PCBP3: variants seen among roughly 807,000 people sequenced by gnomAD.
The protein encoded by PCBP3 is poly(rC)-binding protein 3.
PCBP3 carries 25 observed loss-of-function variants against 52.7 expected under a neutral mutation model. The ratio of observed to expected loss-of-function variants is 0.47; its 90% CI spans 0.35 to 0.66. The LOEUF (loss-of-function observed/expected upper bound fraction) is 0.66. PCBP3 is among the 30% of genes least tolerant of loss of function. The pLI is 0.01. For synonymous variants in PCBP3, 162 were observed against 183.0 expected, an observed-to-expected ratio of 0.89 and a Z score of 0.93; for missense variants, 391 against 490.3, an observed-to-expected ratio of 0.80 and a Z score of 1.91.
chr21:45,893,636 C>A, intron 5 of PCBP3: 1 of 647,500 alleles, frequency 1.5e-6, no homozygotes, highest in Non-Finnish European at 1.9e-6. Context: ...GGGTGGGGAC[C>A]CAGGCCCTCA....
In PCBP3 at chr21:45,901,047, G is replaced by T; in HGVS notation, c.273G>T (p.Val91=). Residue 91 remains valine (V), a synonymous_variant, in exon 9 of 18, where the codon GTG becomes GTT. Transcript: ENST00000681687. ...AGGGAAACTGCCCAGAGAGGATTGT[G>T]ACCATCACAGGCCCCACAGACGCCA... The part of the protein sequence containing the change: ...ISEGNCPERI[V]TITGPTDAIF... 1.2e-6 allele frequency: 2 copies of T among 1,614,078 alleles called. No homozygotes were observed. Among genetic ancestry groups the T allele is most frequent in the South Asian group, 2.2e-5 (2 of 91,060 alleles).
chr21:45,937,537 G>A (rs2077006873), intron 16 of PCBP3, among the ~76,000 whole-genome samples: 1 of 152,242 alleles, frequency 6.6e-6, no homozygotes, highest in Admixed American at 6.5e-5. Context: ...GGCTGCAATG[G>A]GAGTTGTTAC....
chr21:45,684,162 A>G (rs1247207576), intron 2 of PCBP3, among the ~76,000 whole-genome samples: 1 of 152,092 alleles, frequency 6.6e-6, no homozygotes, highest in East Asian at 1.9e-4. Flanking sequence ...CAGAAGTTCA[A>G]GGCAGCCATG....
intron 4 of PCBP3, among the ~76,000 whole-genome samples, chr21:45,784,541 G>T (rs936016799): frequency 6.6e-6 from 1 of 152,034 alleles, no homozygotes; most frequent in Non-Finnish European, 1.5e-5. Context: ...CTGCCATCTC[G>T]GCTCACTGCA....
intron 1 of PCBP3, among the ~76,000 whole-genome samples, chr21:45,661,701 C>T (rs1055743351): frequency 4.6e-5 from 7 of 152,118 alleles, no homozygotes; most frequent in African/African-American, 1.7e-4. Context: ...AATGGTAGTT[C>T]TATTTCTATT....
At chr21:45,877,447 G>A (rs576211249) in intron 5 of PCBP3, among the ~76,000 whole-genome samples, 28 of 152,256 alleles carry the variant, frequency 1.8e-4, no homozygotes, top group African/African-American at 6.7e-4. Flanking sequence ...AAGAGTAACT[G>A]GCAAATTTAT....
At chr21:45,784,366 C>T (rs2090891385) in intron 4 of PCBP3, among the ~76,000 whole-genome samples, 1 of 148,138 alleles carries the variant, frequency 6.8e-6, no homozygotes, top group South Asian at 2.1e-4. Flanking sequence ...CTACCTCTAC[C>T]TCTACCTCTA....
Position 45,704,624 on chromosome 21 carries a change from T to C in PCBP3, c.-199-30768T>C, listed in dbSNP as rs527772054. On this transcript the variant is annotated intron_variant, in intron 2 of 17. Transcript: ENST00000681687. The surrounding 1 kb of genome is among the most constrained non-coding windows in gnomAD (Gnocchi z 4.1). Reference sequence around the variant, plus strand: ...TTGTCTAAGTGAAGGGCAATCGTATTTGAAGTAATTTGAAGATTGACAGGA... The same window carrying C: ...TTGTCTAAGTGAAGGGCAATCGTATCTGAAGTAATTTGAAGATTGACAGGA... Among the ~76,000 whole-genome samples, 294 of 152,140 alleles carry C rather than the reference T, an allele frequency of 1.9e-3. 1 individual carries two copies. The highest frequency in any genetic ancestry group is 2.7e-3 in the Non-Finnish European group (186 of 67,990).
chr21:45,837,086 T>C lies in PCBP3; in HGVS notation c.-125-12875T>C, dbSNP rs1359432352. On this transcript the variant is annotated intron_variant, in intron 4 of 17. Coordinates refer to ENST00000681687, the MANE Select transcript of PCBP3 (RefSeq NM_001384156.1). The surrounding 1 kb of genome is among the most constrained non-coding windows in gnomAD (Gnocchi z 4.1). ...ATCATAAAGTCTGTGAAAGGTGAAC[T>C]TTCAGGAACTTTCAGGACCATGTCA... Among the ~76,000 whole-genome samples the C allele has an allele frequency of 1.3e-5, 2 of 152,196 alleles. No individual in the cohort carries two copies. The highest frequency in any genetic ancestry group is 2.9e-5 in the Non-Finnish European group (2 of 68,036).
intron 4 of PCBP3, among the ~76,000 whole-genome samples, chr21:45,846,307 A>T (rs544829902): frequency 2.0e-5 from 3 of 152,262 alleles, no homozygotes; most frequent in South Asian, 2.1e-4. Flanking sequence ...CTTTGGTTAA[A>T]GTTCATTATT....
At chr21:45,681,831 C>G (rs2081869448) in intron 2 of PCBP3, among the ~76,000 whole-genome samples, 1 of 151,888 alleles carries the variant, frequency 6.6e-6, no homozygotes, top group Admixed American at 6.6e-5. Flanking sequence ...AAATAAAAAA[C>G]TCAATGGATG....
chr21:45,661,537 T>G (rs1488221399), intron 1 of PCBP3, among the ~76,000 whole-genome samples: 1 of 152,236 alleles, frequency 6.6e-6, no homozygotes, highest in Non-Finnish European at 1.5e-5. Context: ...ATACTACATT[T>G]TCTTTATCCA....
intron 7 of PCBP3, 62 bp from the exon 8 acceptor site, chr21:45,900,529 G>T: frequency 7.3e-7 from 1 of 1,364,388 alleles, no homozygotes; most frequent in South Asian, 1.2e-5. Context: ...ACCCACCATG[G>T]GCCGCGCCGT....
chr21:45,883,657 A>T (rs972106354), intron 5 of PCBP3, among the ~76,000 whole-genome samples: 7 of 151,952 alleles, frequency 4.6e-5, no homozygotes, highest in African/African-American at 1.7e-4. Context: ...GATCATTTTC[A>T]TTGCTCTGAC....
chr21:45,730,489 AAAG>A, intron 2 of PCBP3, among the ~76,000 whole-genome samples: 1 of 152,282 alleles, frequency 6.6e-6, no homozygotes, highest in Admixed American at 6.5e-5. Flanking sequence ...GACCACTTGA[AAAG>A]AAGGCATATT....
chr21:45,807,277 A>G (rs2092536720), intron 4 of PCBP3, among the ~76,000 whole-genome samples: 1 of 152,246 alleles, frequency 6.6e-6, no homozygotes, highest in Non-Finnish European at 1.5e-5. Context: ...ATGATTGTAT[A>G]TTTAGAAAAC....
chr21:45,760,794 G>A (rs1386734461), intron 4 of PCBP3: 7 of 152,260 alleles, frequency 4.6e-5, no homozygotes, highest in African/African-American at 1.7e-4. Context: ...TGATTTAAAA[G>A]TTCCATTGAG....
chr21:45,901,725 T>A (rs1569474665), intron 9 of PCBP3: 2 of 122,674 alleles, frequency 1.6e-5, no homozygotes, highest in Non-Finnish European at 3.4e-5. Flanking sequence ...GAGAGAGAGA[T>A]GAGAGAGAGA....
rs555148752 is a variant in PCBP3 at position 45,941,118 on chromosome 21, G to A, written c.1080-552G>A. ...TGATGCCCCGCTGGGCTTCTGCCTC[G>A]ATCCAGAGCCAGGTTGGGCCTCTTT... On this transcript the variant is annotated intron_variant, in intron 17 of 17. Transcript: ENST00000681687. Among the ~76,000 whole-genome samples the A allele has an allele frequency of 2.7e-5, 4 of 148,952 alleles. No homozygotes were observed. In the East Asian group the frequency reaches 6.1e-4, roughly 23 times the overall value.
Sources: allele counts gnomAD v4.1 joint callset (sites outside exome capture counted in the v4.1 genomes callset), GRCh38; gene constraint gnomAD v4.1.1; non-coding constraint Gnocchi (gnomAD v3.1); transcripts MANE v1.5; gene names NCBI Gene and HGNC (gene_info 2026-07-23, HGNC 2026-07-21).